The following GREB1 variants were observed in gnomAD, a reference collection of about 807,000 sequenced individuals.
The protein encoded by GREB1 is protein GREB1.
A neutral mutation model predicts 200.7 loss-of-function variants in GREB1; 106 were observed. The observed-to-expected ratio is 0.53, with a 90% CI of 0.45 to 0.62. The LOEUF (loss-of-function observed/expected upper bound fraction) is 0.62. GREB1 is among the 20% of genes least tolerant of loss of function. The probability of loss-of-function intolerance (pLI) is 0.00; values close to 1 mark genes in which losing one functional copy is unlikely to be tolerated. For missense variants in GREB1, 2,243 were observed against 2,556.8 expected (o/e 0.88, Z 2.65); for synonymous variants, 1,132 against 1,092.4 (o/e 1.04, Z -0.72).
At chr2:11,566,754 T>C in intron 4 of GREB1, 98 bp downstream of exon 4, 2 of 1,085,546 alleles carry the variant, frequency 1.8e-6, no homozygotes, top group South Asian at 3.3e-5. Flanking sequence ...AGAGGGACCA[T>C]CTTTGGGACC....
chr2:11,640,340 G>T lies in GREB1; in HGVS notation c.5736G>T (p.Thr1912=), dbSNP rs1330037513. 1 of 1,614,026 alleles carries T rather than the reference G, an allele frequency of 6.2e-7. No homozygotes were observed. Among genetic ancestry groups the T allele is most frequent in the Non-Finnish European group, 8.5e-7 (1 of 1,180,032 alleles). Residue 1912 remains threonine (T), a synonymous_variant, in exon 33 of 33, where the codon ACG becomes ACT. Coordinates refer to ENST00000381486, the MANE Select transcript of GREB1 (RefSeq NM_014668.4). This position sits in a 1 kb window ranked among gnomAD's most constrained non-coding sequence, Gnocchi z 4.6. ...ICQDRSSLRQ[T]VVRLELEDEW... Reference sequence around the variant, plus strand: ...AGGACCGGAGCTCACTGCGCCAGACGGTCGTCCGCCTGGAGCTCGAGGACG... The same window carrying T: ...AGGACCGGAGCTCACTGCGCCAGACTGTCGTCCGCCTGGAGCTCGAGGACG...
chr2:11,586,777 C>T (rs1026911532), intron 9 of GREB1, among the ~76,000 whole-genome samples: 1 of 152,156 alleles, frequency 6.6e-6, no homozygotes. Context: ...AAAAACTGGA[C>T]GGGGTATTCA....
rs982425007 is a variant in GREB1 at position 11,492,017 on chromosome 2, G to T, written c.-159+9636G>T. On this transcript the variant is annotated intron_variant, in intron 1 of 2. Coordinates refer to the GREB1 transcript ENST00000628795. This position sits in a 1 kb window ranked among gnomAD's most constrained non-coding sequence, Gnocchi z 4.0. ...TGTCTGCACCCTGACTCGGTGACTA[G>T]TTCCCACTTCTTGGGACAGCTGCCC... Among the ~76,000 whole-genome samples, 11 of 152,180 alleles carry T rather than the reference G, an allele frequency of 7.2e-5. No homozygotes were observed. The highest frequency in any genetic ancestry group is 2.4e-4 in the African/African-American group (10 of 41,458).
intron 1 of GREB1, among the ~76,000 whole-genome samples, chr2:11,498,791 G>T (rs1398296223): frequency 6.6e-6 from 1 of 152,198 alleles, no homozygotes; most frequent in South Asian, 2.1e-4. Context: ...TGGGCTGGGT[G>T]CCCGTTTTGT....
intron 17 of GREB1, among the ~76,000 whole-genome samples, chr2:11,609,296 G>A (rs571929189): frequency 2.8e-5 from 4 of 141,784 alleles, no homozygotes; most frequent in Admixed American, 7.1e-5. Context: ...ATGGAGTCTC[G>A]CTCTGTGGCC....
At chr2:11,529,174 C>G (rs1230086674), upstream of GREB1, among the ~76,000 whole-genome samples, 1 of 152,058 alleles carries the variant, frequency 6.6e-6, no homozygotes, top group Admixed American at 6.6e-5. Context: ...GAGAAAAGAG[C>G]CTGTAAAGCA....
In GREB1 at chr2:11,632,938, C is replaced by A. The variant is rs769582929; in HGVS notation, c.4866C>A (p.Leu1622=). The change falls in exon 28 of 33, where the codon CTC becomes CTA. Residue 1622 remains leucine, a synonymous_variant. Transcript: ENST00000381486. The part of the protein sequence containing the change: ...IKELSYHNLE[L]ERNRQEELGI... ...AGCTGTCCTACCATAACCTGGAGCT[C>A]GAGCGGAACCGGCAGGAGGAGCTGG... 1.9e-6 allele frequency: 3 copies of A among 1,614,010 alleles called. No individual in the cohort carries two copies. The highest frequency in any genetic ancestry group is 2.5e-6 in the Non-Finnish European group (3 of 1,180,026).
At chr2:11,495,641 A>G (rs567274476) in intron 1 of GREB1, among the ~76,000 whole-genome samples, 15 of 152,218 alleles carry the variant, frequency 9.9e-5, no homozygotes, top group African/African-American at 3.6e-4. Flanking sequence ...AGAGTGGGAA[A>G]CTGAGGCACA....
chr2:11,621,347 C>T (rs1025281138), intron 23 of GREB1, among the ~76,000 whole-genome samples: 2 of 152,096 alleles, frequency 1.3e-5, no homozygotes, highest in Admixed American at 1.3e-4. Flanking sequence ...GCTTGGGAGC[C>T]CAGCTGAGTA....
chr2:11,587,734 C>T, intron 9 of GREB1: 1 of 1,208,296 alleles, frequency 8.3e-7, no homozygotes, highest in Non-Finnish European at 1.0e-6. Flanking sequence ...CACACACACA[C>T]ACACACACGC....
At position 11,619,367 on chromosome 2, in the gene GREB1, A is replaced by G. The variant is rs77852864; in HGVS notation, c.4044+448A>G. Among the ~76,000 whole-genome samples the G allele has an allele frequency of 9.7e-4, 148 of 152,166 alleles. 2 individuals are homozygous for G. The East Asian group carries it at 0.025, about 26-fold the overall frequency. On this transcript the variant is annotated intron_variant, in intron 22 of 32. Transcript: ENST00000381486. ...CAACAAAAGTCCATTTCACCTCTCA[A>G]TGGCAGAATCTCCTGTGCGTGAGCC...
At position 11,580,174 on chromosome 2, in the gene GREB1, G is replaced by A. The variant is rs1443898810; in HGVS notation, c.773-530G>A. Among the ~76,000 whole-genome samples, 2 of 152,078 alleles carry A rather than the reference G, an allele frequency of 1.3e-5. No homozygotes were observed. Among genetic ancestry groups the A allele is most frequent in the Admixed American group, 6.5e-5 (1 of 15,274 alleles). ...CACCCCCATGATTCAATTACCTCCC[G>A]CCAGGTCCCTCCCACGACACAGGGG... is the stretch of plus-strand genomic sequence containing the variant. On this transcript the variant is annotated intron_variant, in intron 6 of 32. Transcript: ENST00000381486. The surrounding 1 kb of genome is among the most constrained non-coding windows in gnomAD (Gnocchi z 4.5).
At chr2:11,588,995 C>A in intron 10 of GREB1, 64 bp downstream of exon 10, 1 of 1,337,110 alleles carries the variant, frequency 7.5e-7, no homozygotes, top group Non-Finnish European at 1.1e-6. Flanking sequence ...ACAGACCTGG[C>A]CTCGGCCCTC....
Position 11,599,002 on chromosome 2 carries a change from G to A in GREB1, c.2333+142G>A, listed in dbSNP as rs1681517606. 3.5e-5 allele frequency: 25 copies of A among 707,940 alleles called. No homozygotes were observed. In the South Asian group the frequency reaches 4.4e-4, roughly 12 times the overall value. The allele number at this position is 707,940 out of a possible 1,614,324, so 43.9% of individuals were successfully genotyped here. ...GTGTTTCTAAGCAGATGCCATGGAG[G>A]TTTCCCACAATCTTGAGCTGGAAGT... is the stretch of plus-strand genomic sequence containing the variant. On this transcript the variant is annotated intron_variant, in intron 15 of 32. Coordinates refer to ENST00000381486, the MANE Select transcript of GREB1 (RefSeq NM_014668.4).
At chr2:11,598,021 G>T in intron 14 of GREB1, 43 bp downstream of exon 14, 1 of 1,433,830 alleles carries the variant, frequency 7.0e-7, no homozygotes, top group South Asian at 1.1e-5. Flanking sequence ...GAGAAGCTTT[G>T]ATCTGCCGAA....
rs776540175 is a variant in GREB1, at chr2:11,580,199, G to A, written c.773-505G>A. ...GCCAGGTCCCTCCCACGACACAGGG[G>A]GATTATGGGAGCTGCAATTCAAAGT... On this transcript the variant is annotated intron_variant, in intron 6 of 32. Coordinates refer to ENST00000381486, the MANE Select transcript of GREB1 (RefSeq NM_014668.4). The surrounding 1 kb of genome is among the most constrained non-coding windows in gnomAD (Gnocchi z 4.5). 3.5e-4 allele frequency among the ~76,000 whole-genome samples: 53 copies of A among 152,298 alleles called. No individual in the cohort carries two copies. The highest frequency in any genetic ancestry group is 3.5e-4 in the Non-Finnish European group (24 of 68,034).
chr2:11,591,323 C>T (rs1013768245), intron 10 of GREB1: 32 of 721,624 alleles, frequency 4.4e-5, no homozygotes, highest in Non-Finnish European at 7.5e-5. Flanking sequence ...AGCTCAGGGC[C>T]GCACAGCTGG....
Position 11,618,505 on chromosome 2 carries a change from C to G in GREB1, c.3630C>G (p.Ser1210Arg). The change falls in exon 22 of 33, where the codon AGC becomes AGG. Residue 1210 changes from serine (S) to arginine (R), a missense_variant. Around this residue, in one of 3 missense-constraint regions of GREB1, gnomAD observed 587 missense variants for 553.1 expected, o/e 1.06. Coordinates refer to ENST00000381486, the MANE Select transcript of GREB1 (RefSeq NM_014668.4). ...GTAGCCTCAGGACCGGCCAGAGGAG[C>G]GTCCAGGTGTCGGTCACCTCGTCGT... ...PDCSLRTGQR[S>R]VQVSVTSSCS... The G allele has an allele frequency of 6.2e-7, 1 of 1,611,204 alleles. No homozygotes were observed. Among genetic ancestry groups the G allele is most frequent in the Non-Finnish European group, 8.5e-7 (1 of 1,179,356 alleles).
chr2:11,545,194 G>A (rs1445711078), intron 1 of GREB1, among the ~76,000 whole-genome samples: 1 of 152,070 alleles, frequency 6.6e-6, no homozygotes, highest in Non-Finnish European at 1.5e-5. Context: ...GGAGGGCAAT[G>A]GCACGATCTC....
Sources: allele counts gnomAD v4.1 joint callset (sites outside exome capture counted in the v4.1 genomes callset), GRCh38; gene constraint gnomAD v4.1.1; regional missense constraint gnomAD v4.1.1; non-coding constraint Gnocchi (gnomAD v3.1); transcripts MANE v1.5; gene names NCBI Gene and HGNC (gene_info 2026-07-23, HGNC 2026-07-21).